The following BFSP2 variants were observed in gnomAD, a reference collection of about 807,000 sequenced individuals.
BFSP2 encodes the protein phakinin.
A neutral mutation model predicts 44.9 loss-of-function variants in BFSP2; 38 were observed. That is an observed-to-expected ratio of 0.85 (90% CI 0.65 to 1.11). BFSP2 has a LOEUF of 1.11. Among genes scored for constraint, BFSP2 ranks in the 50% least tolerant of loss-of-function variants. The probability of loss-of-function intolerance (pLI) is 0.00; values close to 1 mark genes in which losing one functional copy is unlikely to be tolerated. For synonymous variants in BFSP2, 197 were observed against 209.9 expected, an observed-to-expected ratio of 0.94 and a Z score of 0.53; for missense variants, 525 against 533.0, an observed-to-expected ratio of 0.99 and a Z score of 0.15.
At chr3:133,404,785 G>C (rs2073390702) in intron 1 of BFSP2, 2 of 152,146 alleles carry the variant, frequency 1.3e-5, no homozygotes, top group Admixed American at 1.3e-4. Flanking sequence ...TATATAGCTG[G>C]TCCTAGTTAG....
intron 1 of BFSP2, chr3:133,445,353 T>C (rs1475814322): frequency 6.6e-6 from 1 of 152,392 alleles, no homozygotes; most frequent in Non-Finnish European, 1.5e-5. Flanking sequence ...AGGTTGAGTA[T>C]GCATCATAAG....
At chr3:133,474,311 C>T (rs144370077) in intron 6 of BFSP2, among the ~76,000 whole-genome samples, 100 of 152,316 alleles carry the variant, frequency 6.6e-4, no homozygotes, top group African/African-American at 2.1e-3. Flanking sequence ...AACACAAAGA[C>T]CCAGAATGGA....
At chr3:133,437,224 T>G (rs915758500) in intron 1 of BFSP2, among the ~76,000 whole-genome samples, 1 of 152,164 alleles carries the variant, frequency 6.6e-6, no homozygotes, top group Admixed American at 6.5e-5. Context: ...AGCTCAATTT[T>G]ATAAGAAAAG....
intron 1 of BFSP2, among the ~76,000 whole-genome samples, chr3:133,440,945 CTG>C (rs2073839143): frequency 6.6e-6 from 1 of 151,982 alleles, no homozygotes; most frequent in South Asian, 2.1e-4. Context: ...CACCCAGTGG[CTG>C]TGACTGTGCT....
At chr3:133,410,652 C>A in intron 1 of BFSP2, 1 of 293,364 alleles carries the variant, frequency 3.4e-6, no homozygotes. Flanking sequence ...TTCAATGTTA[C>A]AGAAACCTAT....
At chr3:133,406,877 T>C (rs967155334) in intron 1 of BFSP2, among the ~76,000 whole-genome samples, 1 of 152,138 alleles carries the variant, frequency 6.6e-6, no homozygotes, top group African/African-American at 2.4e-5. Flanking sequence ...AAAAATAAGA[T>C]GATTTAGTGA....
chr3:133,463,761 G>A (rs1416185249), intron 4 of BFSP2, among the ~76,000 whole-genome samples: 1 of 152,084 alleles, frequency 6.6e-6, no homozygotes, highest in Non-Finnish European at 1.5e-5. Context: ...TGCCAGCTGT[G>A]ACAAGTTATT....
chr3:133,453,733 G>C (rs1264418312), intron 4 of BFSP2, among the ~76,000 whole-genome samples: 1 of 152,176 alleles, frequency 6.6e-6, no homozygotes, highest in African/African-American at 2.4e-5. Context: ...GAATCTGGCA[G>C]GGGGAACAGG....
intron 1 of BFSP2, among the ~76,000 whole-genome samples, chr3:133,432,220 C>T (rs1344734385): frequency 6.6e-6 from 1 of 152,188 alleles, no homozygotes; most frequent in Non-Finnish European, 1.5e-5. Flanking sequence ...TTTACCTGTC[C>T]AAAAACCGCA....
intron 1 of BFSP2, among the ~76,000 whole-genome samples, chr3:133,414,948 C>CG (rs2073501077): frequency 2.1e-5 from 3 of 139,788 alleles, no homozygotes; most frequent in East Asian, 2.2e-4. Flanking sequence ...TCTACTCACC[C>CG]TGCCATCTCC....
intron 1 of BFSP2, among the ~76,000 whole-genome samples, chr3:133,433,213 A>G (rs947822189): frequency 4.0e-5 from 6 of 151,628 alleles, no homozygotes; most frequent in Non-Finnish European, 5.9e-5. Context: ...CATTCATCCC[A>G]TTTCCCCATA....
At chr3:133,407,325 CAA>C (rs879441096) in intron 1 of BFSP2, among the ~76,000 whole-genome samples, 10 of 152,198 alleles carry the variant, frequency 6.6e-5, no homozygotes, top group Non-Finnish European at 1.3e-4. Context: ...CAGAAATGTC[CAA>C]AGTCTATATT....
chr3:133,400,656 AG>A lies in BFSP2; in HGVS notation c.489+86del. ...AGCGGGTAGGGTTGTGAGTAGGCTG[AG>A]GCCAGAGAAACTGACCATAATCCCC... On this transcript the variant is annotated intron_variant, in intron 1 of 6. Coordinates refer to ENST00000302334, the MANE Select transcript of BFSP2 (RefSeq NM_003571.4). This position sits in a 1 kb window ranked among gnomAD's most constrained non-coding sequence, Gnocchi z 4.0. 1.3e-6 allele frequency: 2 copies of A among 1,536,048 alleles called. No homozygotes were observed. Among genetic ancestry groups the A allele is most frequent in the Admixed American group, 3.9e-5 (2 of 50,688 alleles).
chr3:133,429,117 C>A (rs531022339), intron 1 of BFSP2, among the ~76,000 whole-genome samples: 8 of 152,060 alleles, frequency 5.3e-5, no homozygotes, highest in Admixed American at 2.0e-4. Context: ...CCCCACCCCC[C>A]CAGAGGTCAC....
intron 1 of BFSP2, among the ~76,000 whole-genome samples, chr3:133,417,786 C>G: frequency 7.0e-6 from 1 of 143,378 alleles, no homozygotes; most frequent in East Asian, 2.2e-4. Flanking sequence ...ATTCACCCCT[C>G]TACTAGACCC....
chr3:133,400,133 G>T lies in BFSP2; in HGVS notation c.50G>T (p.Ser17Ile). 6.2e-7 allele frequency: 1 copy of T among 1,614,196 alleles called. No individual in the cohort carries two copies. The highest frequency in any genetic ancestry group is 8.5e-7 in the Non-Finnish European group (1 of 1,180,030). ...VVDLPTSASS[S>I]MPLQRRRASF... ...GACTTGCCCACCAGTGCCAGCTCCA[G>T]CATGCCCCTCCAGAGGCGCAGGGCG... The change falls in exon 1 of 7, where the codon AGC becomes ATC. Residue 17 changes from serine (S) to isoleucine (I), a missense_variant. By Grantham distance (142) the Ser-to-Ile change is moderately radical. Transcript: ENST00000302334. The surrounding 1 kb of genome is among the most constrained non-coding windows in gnomAD (Gnocchi z 4.0).
At position 133,424,039 on chromosome 3, in the gene BFSP2, C is replaced by CTT. The variant is rs148089425; in HGVS notation, c.490-23268_490-23267dup. On this transcript the variant is annotated intron_variant, in intron 1 of 6. Transcript: ENST00000302334. Reference sequence around the variant, plus strand: ...GCTAGTCTGTTTCTATTCTCTTCTGCTTTTTTTTTTTGCGGGGGCGGGGGC... The same window carrying CTT: ...GCTAGTCTGTTTCTATTCTCTTCTGCTTTTTTTTTTTTTGCGGGGGCGGGGGC... 1.5e-3 allele frequency among the ~76,000 whole-genome samples: 214 copies of CTT among 141,144 alleles called. 3 individuals carry two copies. Among genetic ancestry groups the CTT allele is most frequent in the Middle Eastern group, 0.014 (4 of 278 alleles). 92.6% of individuals were successfully genotyped at this position (141,144 alleles called of 152,430 possible).
rs986791429 is a variant in BFSP2, at chr3:133,439,412, G to A, written c.490-7905G>A. On this transcript the variant is annotated intron_variant, in intron 1 of 6. Transcript: ENST00000302334. The stretch of plus-strand genomic sequence containing the variant: ...GCCAGGCACTGAACTGGGTGCTAAG[G>A]AAGCAGAGATGAGAGACTGTCCCTG... Among the ~76,000 whole-genome samples, 6 of 152,358 alleles carry A rather than the reference G, an allele frequency of 3.9e-5. No individual in the cohort carries two copies. In the South Asian group the frequency reaches 6.2e-4, roughly 16 times the overall value.
At chr3:133,448,682 A>G (rs1559975258) in intron 3 of BFSP2, 37 bp downstream of exon 3, 17 of 1,609,184 alleles carry the variant, frequency 1.1e-5, no homozygotes, top group Non-Finnish European at 1.3e-5. Flanking sequence ...TGGCCACAAG[A>G]CCAGAAGTTC....
Sources: allele counts gnomAD v4.1 joint callset (sites outside exome capture counted in the v4.1 genomes callset), GRCh38; gene constraint gnomAD v4.1.1; non-coding constraint Gnocchi (gnomAD v3.1); transcripts MANE v1.5; gene names NCBI Gene and HGNC (gene_info 2026-07-23, HGNC 2026-07-21).